Variants in DTNB observed in about 807,000 individuals in gnomAD.
The protein encoded by DTNB is dystrobrevin beta.
A neutral mutation model predicts 90.7 loss-of-function variants in DTNB; 63 were observed. The observed-to-expected ratio is 0.69, with a 90% CI of 0.57 to 0.86. The LOEUF (loss-of-function observed/expected upper bound fraction) is 0.86. Ranked by LOEUF, DTNB falls within the 40% of genes least tolerant of loss-of-function variation. The pLI is 0.00. For missense variants in DTNB, 744 were observed against 807.1 expected, an observed-to-expected ratio of 0.92 and a Z score of 0.95; for synonymous variants, 277 against 286.7, an observed-to-expected ratio of 0.97 and a Z score of 0.34.
intron 9 of DTNB, among the ~76,000 whole-genome samples, chr2:25,530,734 A>G (rs1402536788): frequency 3.3e-5 from 5 of 152,214 alleles, no homozygotes; most frequent in African/African-American, 1.2e-4. Flanking sequence ...AGGGAGGTGA[A>G]AGAAAATGAA....
At chr2:25,437,978 G>A (rs1228977600) in intron 12 of DTNB, among the ~76,000 whole-genome samples, 2 of 152,152 alleles carry the variant, frequency 1.3e-5, no homozygotes, top group African/African-American at 2.4e-5. Context: ...AGTGAACCGG[G>A]ACAGAAAATT....
chr2:25,435,023 A>T (rs980324835), intron 12 of DTNB, among the ~76,000 whole-genome samples: 1 of 151,656 alleles, frequency 6.6e-6, no homozygotes, highest in Non-Finnish European at 1.5e-5. Flanking sequence ...TAATTCAGTA[A>T]TTTTTTTTCC....
Position 25,597,110 on chromosome 2 carries a change from C to T in DTNB, c.449-870G>A, listed in dbSNP as rs2064814696. ...AATCATTTCCTGAGGACTTTTCAAACATAGCATTTTGAAGATTCATCCAGC... is the reference window on the plus strand; with the variant it reads ...AATCATTTCCTGAGGACTTTTCAAATATAGCATTTTGAAGATTCATCCAGC... On this transcript the variant is annotated intron_variant, in intron 5 of 20. Coordinates refer to ENST00000406818, the MANE Select transcript of DTNB (RefSeq NM_021907.5). Among the ~76,000 whole-genome samples the T allele has an allele frequency of 2.6e-5, 4 of 152,282 alleles. No individual in the cohort carries two copies. In the South Asian group the frequency reaches 8.3e-4, roughly 32 times the overall value.
intron 19 of DTNB, 109 bp downstream of exon 19, chr2:25,383,727 C>T (rs2038582010): frequency 6.2e-7 from 1 of 1,606,228 alleles, no homozygotes. Flanking sequence ...GGTCCGAAAG[C>T]TCTGGGAAAG....
chr2:25,647,558 T>G (rs2079768855), intron 2 of DTNB, among the ~76,000 whole-genome samples: 1 of 152,154 alleles, frequency 6.6e-6, no homozygotes, highest in Admixed American at 6.6e-5. Flanking sequence ...TTTTTTTAAC[T>G]AAAACATTTA....
At chr2:25,411,441 A>T (rs1478640384) in intron 16 of DTNB, among the ~76,000 whole-genome samples, 1 of 152,178 alleles carries the variant, frequency 6.6e-6, no homozygotes, top group African/African-American at 2.4e-5. Context: ...AAATAACAAC[A>T]AACTGCCAGG....
intron 20 of DTNB, among the ~76,000 whole-genome samples, chr2:25,378,718 AGCAGTCCGTACTTTTCT>A (rs1309787156): frequency 1.3e-5 from 2 of 152,222 alleles, no homozygotes; most frequent in African/African-American, 4.8e-5. Context: ...CTGCCACTGG[AGCAGTCCGTACTTTTCT>A]GCATTGCTTC....
Position 25,381,151 on chromosome 2 carries a change from G to T in DTNB, c.1880-1828C>A, listed in dbSNP as rs148886212. On this transcript the variant is annotated intron_variant, in intron 19 of 20. Transcript: ENST00000406818. ...ATGCAGCTGTTATGTCTTCAGCCAG[G>T]AACATTCCACATGAATGCTAGGATT... 4.9e-3 allele frequency among the ~76,000 whole-genome samples: 744 copies of T among 152,334 alleles called. 7 individuals carry two copies. The highest frequency in any genetic ancestry group is 0.017 in the African/African-American group (692 of 41,586).
intron 3 of DTNB, among the ~76,000 whole-genome samples, chr2:25,638,199 G>C (rs1445681736): frequency 1.3e-5 from 2 of 152,148 alleles, no homozygotes; most frequent in Non-Finnish European, 2.9e-5. Context: ...TCACACACCG[G>C]GGCCTGTCAT....
intron 16 of DTNB, among the ~76,000 whole-genome samples, chr2:25,412,760 T>C (rs989960222): frequency 6.6e-6 from 1 of 152,216 alleles, no homozygotes; most frequent in Admixed American, 6.5e-5. Context: ...TGAAATTTTA[T>C]GGTGCACTGA....
At chr2:25,522,739 C>T (rs1256168428) in intron 9 of DTNB, among the ~76,000 whole-genome samples, 4 of 145,194 alleles carry the variant, frequency 2.8e-5, no homozygotes, top group African/African-American at 7.7e-5. Flanking sequence ...CTTGCTCTGT[C>T]GCCCAGGATA....
chr2:25,609,685 C>T (rs1017280146), intron 4 of DTNB, among the ~76,000 whole-genome samples: 1 of 149,690 alleles, frequency 6.7e-6, no homozygotes, highest in Non-Finnish European at 1.5e-5. Context: ...CACACACACA[C>T]ACACACACAC....
At chr2:25,621,830 T>C (rs918016298) in intron 4 of DTNB, among the ~76,000 whole-genome samples, 5 of 152,024 alleles carry the variant, frequency 3.3e-5, no homozygotes, top group South Asian at 2.1e-4. Flanking sequence ...AACTCTATTA[T>C]AAATTATATA....
chr2:25,558,736 C>T (rs2057768902), intron 8 of DTNB, among the ~76,000 whole-genome samples: 1 of 152,184 alleles, frequency 6.6e-6, no homozygotes, highest in Non-Finnish European at 1.5e-5. Flanking sequence ...GCAAACAACA[C>T]AGTAGAATTG....
chr2:25,517,104 G>T (rs188079663), intron 9 of DTNB, among the ~76,000 whole-genome samples: 1 of 152,072 alleles, frequency 6.6e-6, no homozygotes, highest in Non-Finnish European at 1.5e-5. Flanking sequence ...TCATGCAAAG[G>T]ATATTTTCAA....
intron 16 of DTNB, among the ~76,000 whole-genome samples, chr2:25,393,003 C>G (rs1420097893): frequency 1.3e-5 from 2 of 152,062 alleles, no homozygotes; most frequent in African/African-American, 4.8e-5. Context: ...ACTAGTGAAC[C>G]AAATCCAACA....
At chr2:25,491,592 A>G (rs1489857520) in intron 9 of DTNB, among the ~76,000 whole-genome samples, 1 of 152,062 alleles carries the variant, frequency 6.6e-6, no homozygotes, top group African/African-American at 2.4e-5. Flanking sequence ...ATTCGCTGTT[A>G]TATTTGGTGG....
chr2:25,592,060 C>CAAAA (rs1162292627), intron 6 of DTNB, among the ~76,000 whole-genome samples: 4 of 49,010 alleles, frequency 8.2e-5, no homozygotes, highest in East Asian at 6.9e-4. Context: ...GACTCCATCT[C>CAAAA]AAAAAAAAAA....
In DTNB at chr2:25,451,387, T is replaced by A. The variant is rs187354422; in HGVS notation, c.1257+161A>T. Among the ~76,000 whole-genome samples, 177 of 152,328 alleles carry A rather than the reference T, an allele frequency of 1.2e-3. 1 individual carries two copies. The highest frequency in any genetic ancestry group is 4.2e-3 in the African/African-American group (173 of 41,560). ...TGTAGGTTTTTGTAGGTGTTCTTTA[T>A]CAGGGTGAGGAAGTTTCCTTCTACT... On this transcript the variant is annotated intron_variant, in intron 12 of 20. Transcript: ENST00000406818.
Sources: gnomAD v4.1 joint callset for allele counts (sites outside exome capture counted in the v4.1 genomes callset) on GRCh38, gnomAD v4.1.1 for gene constraint, MANE v1.5 for transcripts, NCBI Gene and HGNC (gene_info 2026-07-23, HGNC 2026-07-21) for gene names.